The following TIAM2 variants were observed in gnomAD, a reference collection of about 807,000 sequenced individuals.
The protein encoded by TIAM2 is TIAM Rac1 associated GEF 2, also known as rho guanine nucleotide exchange factor TIAM2.
TIAM2 carries 80 observed loss-of-function variants against 152.9 expected under a neutral mutation model. The observed-to-expected ratio is 0.52, with a 90% CI of 0.44 to 0.63. The LOEUF is 0.63. Among genes scored for constraint, TIAM2 ranks in the 30% least tolerant of loss-of-function variants. The probability of loss-of-function intolerance (pLI) is 0.00; values close to 1 mark genes in which losing one functional copy is unlikely to be tolerated. For missense variants in TIAM2, 1,965 were observed against 2,120.1 expected, an observed-to-expected ratio of 0.93 and a Z score of 1.44; for synonymous variants, 804 against 838.0, an observed-to-expected ratio of 0.96 and a Z score of 0.70.
intron 7 of TIAM2, among the ~76,000 whole-genome samples, chr6:155,150,450 A>T (rs922629710): frequency 9.9e-5 from 15 of 152,148 alleles, no homozygotes; most frequent in African/African-American, 3.6e-4. Flanking sequence ...AAGAGGTGTG[A>T]AGGATTTCCA....
At chr6:155,109,462 A>T (rs1034709773) in intron 2 of TIAM2, among the ~76,000 whole-genome samples, 13 of 152,252 alleles carry the variant, frequency 8.5e-5, no homozygotes, top group African/African-American at 3.1e-4. Context: ...AGAAAGAAAT[A>T]GCAGCAGTAT....
At chr6:155,141,313 T>G (rs1482684601) in intron 5 of TIAM2, among the ~76,000 whole-genome samples, 1 of 152,216 alleles carries the variant, frequency 6.6e-6, no homozygotes, top group Non-Finnish European at 1.5e-5. Context: ...TGTTGAGTTC[T>G]AATTTCTTGG....
intron 2 of TIAM2, among the ~76,000 whole-genome samples, chr6:155,114,032 ATATATTTTTTTTTTTTTCTT>A (rs1490737923): frequency 3.9e-4 from 17 of 43,500 alleles, no homozygotes; most frequent in African/African-American, 1.6e-3. Context: ...ATATATATAT[ATATATTTTTTTTTTTTTCTT>A]TTTTTTTTTT....
At chr6:155,043,327 A>G (rs1777088901) in intron 1 of TIAM2, among the ~76,000 whole-genome samples, 1 of 152,122 alleles carries the variant, frequency 6.6e-6, no homozygotes, top group Admixed American at 6.6e-5. Flanking sequence ...CTTCCAGGCC[A>G]GTTAATCAAT....
At chr6:155,106,677 C>CT (rs1255821119) in intron 2 of TIAM2, among the ~76,000 whole-genome samples, 2 of 152,174 alleles carry the variant, frequency 1.3e-5, no homozygotes, top group Non-Finnish European at 2.9e-5. Context: ...ATTCTTACTG[C>CT]TAAAGGGCTT....
Position 155,049,130 on chromosome 6 carries a change from C to G in TIAM2, c.-208-41159C>G, listed in dbSNP as rs113031658. Among the ~76,000 whole-genome samples the G allele has an allele frequency of 8.0e-3, 1,220 of 152,230 alleles. 7 individuals carry two copies. The highest frequency in any genetic ancestry group is 0.014 in the African/African-American group (561 of 41,528). On this transcript the variant is annotated intron_variant, in intron 1 of 26. Transcript: ENST00000682666. Reference sequence around the variant, plus strand: ...TCCACTCTTTGAAAGGGAGCACGGCCCCTGTTTAAACACAAAACCAGAGGC... The same window carrying G: ...TCCACTCTTTGAAAGGGAGCACGGCGCCTGTTTAAACACAAAACCAGAGGC...
chr6:155,203,048 C>CAAAAAAAAAAAAAAAA lies in TIAM2; in HGVS notation c.3065-8149_3065-8134dup, dbSNP rs59836931. On this transcript the variant is annotated intron_variant, in intron 14 of 26. Transcript: ENST00000682666. ...TGGGTGACAGAGCAAAACTCTGTCT[C>CAAAAAAAAAAAAAAAA]AAAAAAAAAAAAAAAAAAAAAAGAG... is the stretch of plus-strand genomic sequence containing the variant. Among the ~76,000 whole-genome samples the CAAAAAAAAAAAAAAAA allele has an allele frequency of 1.3e-3, 102 of 78,866 alleles. 2 individuals carry two copies. Among genetic ancestry groups the CAAAAAAAAAAAAAAAA allele is most frequent in the African/African-American group, 6.3e-3 (94 of 14,824 alleles). The allele number at this position is 78,866 out of a possible 152,430, so 51.7% of individuals were successfully genotyped here. A position where few individuals can be genotyped will look rare whatever the true frequency, so the allele number is the denominator to read the frequency against.
rs527800448 is a variant in TIAM2, at chr6:155,242,901, A to ATTT, written c.3349-1100_3349-1098dup. 1.8e-3 allele frequency among the ~76,000 whole-genome samples: 235 copies of ATTT among 131,906 alleles called. 1 individual carries two copies. The highest frequency in any genetic ancestry group is 5.2e-3 in the African/African-American group (194 of 36,964). The allele number at this position is 131,906 out of a possible 152,430, so 86.5% of individuals were successfully genotyped here. ...CAGGCACCCGCCACCACACCCAGCT[A>ATTT]TTTTTTTTTTTTCTTTTTTTTAGTA... On this transcript the variant is annotated intron_variant, in intron 16 of 26. Transcript: ENST00000682666.
rs1562320525 is a variant in TIAM2 at position 155,114,045 on chromosome 6, TTTTTC to T, written c.-117-13440_-117-13436del. ...ATATATATATATATATATTTTTTTT[TTTTTC>T]TTTTTTTTTTTTTTTTTTTTTGAAA... On this transcript the variant is annotated intron_variant, in intron 2 of 26. Coordinates refer to ENST00000682666, the MANE Select transcript of TIAM2 (RefSeq NM_012454.4). 1.1e-3 allele frequency among the ~76,000 whole-genome samples: 78 copies of T among 73,192 alleles called. 2 individuals carry two copies. Among genetic ancestry groups the T allele is most frequent in the East Asian group, 3.3e-3 (10 of 3,002 alleles). The allele number at this position is 73,192 out of a possible 152,430, so 48.0% of individuals were successfully genotyped here. A position where few individuals can be genotyped will look rare whatever the true frequency, so the allele number is the denominator to read the frequency against.
chr6:155,120,944 C>T (rs1267536707), intron 2 of TIAM2, among the ~76,000 whole-genome samples: 1 of 152,196 alleles, frequency 6.6e-6, no homozygotes, highest in African/African-American at 2.4e-5. Flanking sequence ...TCTTACATTT[C>T]CTAACGTGAG....
At chr6:155,057,017 C>CTTTTTTTTTTTTTTTTTTTTTTTTTTTTT (rs71023612) in intron 1 of TIAM2, among the ~76,000 whole-genome samples, 2 of 43,870 alleles carry the variant, frequency 4.6e-5, no homozygotes, top group African/African-American at 1.6e-4. Context: ...AGTTTTCTTT[C>CTTTTTTTTTTTTTTTTTTTTTTTTTTTTT]TTTTTTTTTT....
chr6:155,249,397 C>G (rs1783521378), intron 20 of TIAM2, among the ~76,000 whole-genome samples: 1 of 152,210 alleles, frequency 6.6e-6, no homozygotes, highest in South Asian at 2.1e-4. Flanking sequence ...TAAGCCCAGT[C>G]AGGCTTGGGT....
chr6:155,221,010 G>A (rs1782022414), intron 15 of TIAM2, among the ~76,000 whole-genome samples: 1 of 150,954 alleles, frequency 6.6e-6, no homozygotes, highest in Non-Finnish European at 1.5e-5. Flanking sequence ...GACATGTGGT[G>A]TTTGGTTCTT....
chr6:155,251,237 C>T (rs1191867428), intron 22 of TIAM2, among the ~76,000 whole-genome samples: 1 of 152,216 alleles, frequency 6.6e-6, no homozygotes, highest in Admixed American at 6.5e-5. Context: ...TGGCTCAGGC[C>T]AAGTGTTACA....
Position 155,176,802 on chromosome 6 carries a change from G to A in TIAM2, c.2362-14G>A. On this transcript the variant is annotated splice_polypyrimidine_tract_variant and intron_variant, in intron 9 of 26. Transcript: ENST00000682666. ...TCAAATTTGTCTGCATTTTCTTTTG[G>A]CATCTACAAACAGGTCGATGAACTT... The A allele has an allele frequency of 1.2e-6, 2 of 1,602,462 alleles. No individual in the cohort carries two copies. Among genetic ancestry groups the A allele is most frequent in the Non-Finnish European group, 1.7e-6 (2 of 1,176,154 alleles).
At chr6:155,161,631 G>A (rs539521594) in intron 7 of TIAM2, among the ~76,000 whole-genome samples, 17 of 150,490 alleles carry the variant, frequency 1.1e-4, no homozygotes, top group African/African-American at 3.4e-4. Context: ...GCAGTGGTGC[G>A]ATCTCAGCTC....
chr6:155,017,534 TCA>T (rs1426652954), intron 1 of TIAM2, among the ~76,000 whole-genome samples: 2 of 147,272 alleles, frequency 1.4e-5, no homozygotes, highest in Non-Finnish European at 3.0e-5. Context: ...AGATGGAGTC[TCA>T]CTCTGTCGCC....
chr6:155,203,767 G>A (rs1781535542), intron 14 of TIAM2, among the ~76,000 whole-genome samples: 1 of 152,054 alleles, frequency 6.6e-6, no homozygotes, highest in Non-Finnish European at 1.5e-5. Context: ...ATTGTTATTT[G>A]GCTGCTATAT....
At chr6:155,051,616 C>A (rs1365920837) in intron 1 of TIAM2, among the ~76,000 whole-genome samples, 1 of 151,916 alleles carries the variant, frequency 6.6e-6, no homozygotes, top group Admixed American at 6.6e-5. Flanking sequence ...ATATTTTTGG[C>A]ATAAAATGCT....
Sources: allele counts gnomAD v4.1 joint callset (sites outside exome capture counted in the v4.1 genomes callset), GRCh38; gene constraint gnomAD v4.1.1; transcripts MANE v1.5; gene names NCBI Gene and HGNC (gene_info 2026-07-23, HGNC 2026-07-21).